The following ARHGAP23 variants were observed in gnomAD, a reference collection of about 807,000 sequenced individuals.
The protein encoded by ARHGAP23 is rho GTPase-activating protein 23.
In ARHGAP23, 34 loss-of-function variants were observed where a neutral mutation model predicts 136.3. The ratio of observed to expected loss-of-function variants is 0.25; its 90% CI spans 0.19 to 0.33. The LOEUF is 0.33. Ranked by LOEUF, ARHGAP23 falls within the 10% of genes least tolerant of loss-of-function variation. The pLI, the probability that ARHGAP23 is intolerant of heterozygous loss-of-function variation, is 1.00. For synonymous variants in ARHGAP23, 832 were observed against 920.5 expected (o/e 0.90, Z 1.74); for missense variants, 1,808 against 2,139.0 (o/e 0.85, Z 3.05).
intron 23 of ARHGAP23, among the ~76,000 whole-genome samples, chr17:38,509,710 G>A (rs1274474558): frequency 6.6e-6 from 1 of 152,228 alleles, no homozygotes; most frequent in East Asian, 1.9e-4. Flanking sequence ...TGGGAGACCA[G>A]CCCACCTCAC....
chr17:38,474,767 G>A (rs62074686), intron 11 of ARHGAP23, among the ~76,000 whole-genome samples: 16 of 151,598 alleles, frequency 1.1e-4, no homozygotes, highest in African/African-American at 2.7e-4. Context: ...TGGGGGGGCC[G>A]GGGAGGCTGA....
intron 3 of ARHGAP23, 95 bp downstream of exon 3, chr17:38,461,027 G>T (rs2039448506): frequency 6.7e-7 from 1 of 1,485,084 alleles, no homozygotes; most frequent in Admixed American, 2.1e-5. Context: ...GTCCTTTTCT[G>T]TGCCCCCCTC....
intron 1 of ARHGAP23, among the ~76,000 whole-genome samples, chr17:38,446,590 T>C (rs1056739616): frequency 2.6e-5 from 4 of 151,308 alleles, no homozygotes; most frequent in African/African-American, 9.8e-5. Context: ...TACTGGATCA[T>C]ATGGTAATTC....
Position 38,458,275 on chromosome 17 carries a change from T to A in ARHGAP23, c.225+12T>A. The A allele has an allele frequency of 6.6e-7, 1 of 1,505,482 alleles. No homozygotes were observed. The allele number at this position is 1,505,482 out of a possible 1,614,324, so 93.3% of individuals were successfully genotyped here. The stretch of plus-strand genomic sequence containing the variant: ...ACTGCAGCCTGAAGGTATGCCCGGC[T>A]CGCCGCTGCCCTGGTCTGGGGAAGC... On this transcript the variant is annotated intron_variant, in intron 2 of 23. Transcript: ENST00000622683.
intron 1 of ARHGAP23, chr17:38,451,458 C>CG (rs1157819973): frequency 5.3e-5 from 8 of 152,280 alleles, no homozygotes; most frequent in Non-Finnish European, 1.2e-4. Flanking sequence ...GAACCCTCAG[C>CG]GGTTTTGAAT....
At chr17:38,491,721 A>G in intron 20 of ARHGAP23, 189 bp downstream of exon 20, 4 of 742,230 alleles carry the variant, frequency 5.4e-6, no homozygotes, top group Non-Finnish European at 8.7e-6. Flanking sequence ...GCAGGAATGG[A>G]TCCTGGAATC....
At chr17:38,472,583 G>A (rs1474049203) in intron 11 of ARHGAP23, among the ~76,000 whole-genome samples, 3 of 152,156 alleles carry the variant, frequency 2.0e-5, no homozygotes, top group Non-Finnish European at 2.9e-5. Flanking sequence ...GAGTAGTTGG[G>A]GAGGGCCTGG....
At chr17:38,429,826 G>T (rs2038647646) in intron 1 of ARHGAP23, among the ~76,000 whole-genome samples, 1 of 152,078 alleles carries the variant, frequency 6.6e-6, no homozygotes, top group African/African-American at 2.4e-5. Flanking sequence ...CCCCAACCCT[G>T]CGGCCTAGCT....
At chr17:38,429,717 G>C (rs151064648) in intron 1 of ARHGAP23, among the ~76,000 whole-genome samples, 84 of 152,186 alleles carry the variant, frequency 5.5e-4, no homozygotes, top group African/African-American at 2.0e-3. Context: ...ACGGGGGGTG[G>C]GGGTGGAGGT....
At chr17:38,493,087 G>A (rs534625145) in intron 20 of ARHGAP23, among the ~76,000 whole-genome samples, 2 of 152,214 alleles carry the variant, frequency 1.3e-5, no homozygotes, top group Non-Finnish European at 1.5e-5. Context: ...GACACTACTG[G>A]CACACAGTGG....
At chr17:38,438,321 CAA>C (rs34412310) in intron 1 of ARHGAP23, among the ~76,000 whole-genome samples, 52 of 115,972 alleles carry the variant, frequency 4.5e-4, no homozygotes, top group Non-Finnish European at 5.6e-4. Flanking sequence ...GACTCCGTCT[CAA>C]AAAAAAAAAA....
intron 13 of ARHGAP23, 119 bp downstream of exon 13, chr17:38,479,616 G>A: frequency 7.0e-7 from 1 of 1,421,838 alleles, no homozygotes; most frequent in South Asian, 1.3e-5. Flanking sequence ...GGGTATCCAG[G>A]GTCTCCAGGC....
At chr17:38,485,307 G>A (rs1260840268) in intron 16 of ARHGAP23, among the ~76,000 whole-genome samples, 1 of 152,124 alleles carries the variant, frequency 6.6e-6, no homozygotes, top group Non-Finnish European at 1.5e-5. Context: ...GGTGGAGTGG[G>A]AGTTTGGGGG....
chr17:38,431,854 C>A (rs560297056), intron 1 of ARHGAP23, among the ~76,000 whole-genome samples: 2 of 152,206 alleles, frequency 1.3e-5, no homozygotes, highest in African/African-American at 4.8e-5. Flanking sequence ...ATGCCTTTCC[C>A]TCTGTGGTTG....
At position 38,428,512 on chromosome 17, in the gene ARHGAP23, C is replaced by A. The variant is rs1034998468; in HGVS notation, c.27C>A (p.Val9=). 8.2e-6 allele frequency: 12 copies of A among 1,456,708 alleles called. No homozygotes were observed. Among genetic ancestry groups the A allele is most frequent in the Non-Finnish European group, 1.1e-5 (12 of 1,108,242 alleles). The allele number at this position is 1,456,708 out of a possible 1,614,324, so 90.2% of individuals were successfully genotyped here. The change falls in exon 1 of 24, where the codon GTC becomes GTA. Residue 9 remains valine, a synonymous_variant. Transcript: ENST00000622683. MNGVAFCL[V]GIPPRPEPRP... The stretch of plus-strand genomic sequence containing the variant: ...TGAATGGAGTCGCCTTCTGCCTGGT[C>A]GGGATCCCGCCCCGCCCGGAGCCCC...
At chr17:38,505,960 T>C (rs2040626034) in intron 23 of ARHGAP23, among the ~76,000 whole-genome samples, 1 of 152,142 alleles carries the variant, frequency 6.6e-6, no homozygotes, top group African/African-American at 2.4e-5. Flanking sequence ...TTATGCACTC[T>C]TGCTCCAGAA....
chr17:38,460,582 C>T lies in ARHGAP23; in HGVS notation c.226-323C>T, dbSNP rs150747831. ...TGTCACGTGCCTATCTGTGACTGCC[C>T]GCGTCTTCTGTGTGTGTGAGCCTGT... is the stretch of plus-strand genomic sequence containing the variant. On this transcript the variant is annotated intron_variant, in intron 2 of 23. Transcript: ENST00000622683. 3.3e-4 allele frequency among the ~76,000 whole-genome samples: 50 copies of T among 152,182 alleles called. No individual in the cohort carries two copies. In the East Asian group the frequency reaches 6.8e-3, roughly 21 times the overall value.
chr17:38,489,500 G>GCT (rs2040226545), intron 17 of ARHGAP23, among the ~76,000 whole-genome samples: 1 of 151,126 alleles, frequency 6.6e-6, no homozygotes, highest in South Asian at 2.1e-4. Context: ...CCTTAACATT[G>GCT]CTCTGCCTTT....
At chr17:38,449,746 G>A (rs1405069127) in intron 1 of ARHGAP23, among the ~76,000 whole-genome samples, 1 of 152,202 alleles carries the variant, frequency 6.6e-6, no homozygotes, top group Non-Finnish European at 1.5e-5. Context: ...AGGACCAGAT[G>A]GAGCTTCAAA....
Sources: allele counts gnomAD v4.1 joint callset (sites outside exome capture counted in the v4.1 genomes callset), GRCh38; gene constraint gnomAD v4.1.1; transcripts MANE v1.5; gene names NCBI Gene and HGNC (gene_info 2026-07-23, HGNC 2026-07-21).